MBOAT2: variants seen among roughly 807,000 people sequenced by gnomAD.
MBOAT2 encodes the protein membrane bound glycerophospholipid O-acyltransferase 2.
Under a neutral mutation model 63.4 loss-of-function variants are expected in MBOAT2, and 28 were observed. That is an observed-to-expected ratio of 0.44 (90% confidence interval 0.33 to 0.61). The LOEUF is 0.61. Ranked by LOEUF, MBOAT2 falls within the 20% of genes least tolerant of loss-of-function variation. MBOAT2 has a pLI of 0.03. For missense variants in MBOAT2, 470 were observed against 605.8 expected (o/e 0.78, Z 2.35); for synonymous variants, 211 against 215.6 (o/e 0.98, Z 0.19).
At chr2:8,892,131 T>C (rs913379968) in intron 4 of MBOAT2, among the ~76,000 whole-genome samples, 3 of 152,216 alleles carry the variant, frequency 2.0e-5, no homozygotes, top group Non-Finnish European at 1.5e-5. Flanking sequence ...AGATAATGAA[T>C]GCTAAAAATG....
rs1661358276 is a variant in MBOAT2 at position 8,859,722 on chromosome 2, A to G, written c.1338-818T>C. ...TAAAAGAATAAAGTTTTTGATCTCTAAAATATCACCATCTAATATGGGGAA... is the reference window on the plus strand; with the variant it reads ...TAAAAGAATAAAGTTTTTGATCTCTGAAATATCACCATCTAATATGGGGAA... On this transcript the variant is annotated intron_variant, in intron 12 of 12. Transcript: ENST00000305997. Among the ~76,000 whole-genome samples, 4 of 152,220 alleles carry G rather than the reference A, an allele frequency of 2.6e-5. No individual in the cohort carries two copies. In the South Asian group the frequency reaches 8.3e-4, roughly 31 times the overall value.
intron 1 of MBOAT2, among the ~76,000 whole-genome samples, chr2:8,986,648 A>G (rs1462641417): frequency 6.6e-6 from 1 of 152,108 alleles, no homozygotes; most frequent in African/African-American, 2.4e-5. Context: ...GTTTCCCCCC[A>G]AAATTCATAT....
At chr2:8,938,682 GCCA>G (rs1300646305) in intron 3 of MBOAT2, among the ~76,000 whole-genome samples, 1 of 146,610 alleles carries the variant, frequency 6.8e-6, no homozygotes, top group Non-Finnish European at 1.5e-5. Context: ...CGTGTCTCAT[GCCA>G]CCATGTTTCA....
intron 3 of MBOAT2, among the ~76,000 whole-genome samples, chr2:8,931,698 C>T (rs186996946): frequency 4.0e-4 from 61 of 152,190 alleles, no homozygotes; most frequent in African/African-American, 1.4e-3. Context: ...AGATTTTCTT[C>T]TAGGGTTTCT....
In MBOAT2 at chr2:8,860,660, A is replaced by T; in HGVS notation, c.1290T>A (p.Val430=). ...IVTQVAISYT[V]VPFVLLSIKP... ...TTATAGAAAGAAGCACAAATGGCACAACTGTGTAACTTATTGCTACTTGAG... is the reference window on the plus strand; with the variant it reads ...TTATAGAAAGAAGCACAAATGGCACTACTGTGTAACTTATTGCTACTTGAG... The change falls in exon 12 of 13, where the codon GTT becomes GTA. Residue 430 remains valine (V), a synonymous_variant. Coordinates refer to ENST00000305997, the MANE Select transcript of MBOAT2 (RefSeq NM_138799.4). 1.2e-6 allele frequency: 2 copies of T among 1,613,580 alleles called. No individual in the cohort carries two copies. Among genetic ancestry groups the T allele is most frequent in the Non-Finnish European group, 1.7e-6 (2 of 1,179,814 alleles).
chr2:8,912,968 C>A (rs1036334975), intron 3 of MBOAT2, among the ~76,000 whole-genome samples: 5 of 152,158 alleles, frequency 3.3e-5, no homozygotes, highest in African/African-American at 9.7e-5. Flanking sequence ...GTCACAAAAA[C>A]AGCATGGTAC....
At chr2:8,969,998 T>C (rs998461375) in intron 1 of MBOAT2, among the ~76,000 whole-genome samples, 7 of 152,190 alleles carry the variant, frequency 4.6e-5, no homozygotes, top group African/African-American at 1.2e-4. Flanking sequence ...GGAATTGAAC[T>C]CAGCTCTGCA....
intron 3 of MBOAT2, among the ~76,000 whole-genome samples, chr2:8,936,946 T>C (rs1418443920): frequency 6.6e-6 from 1 of 152,246 alleles, no homozygotes; most frequent in Non-Finnish European, 1.5e-5. Context: ...CACATTGTGC[T>C]GCCTTCGCCA....
At chr2:8,903,182 C>A (rs1327127487) in intron 4 of MBOAT2, among the ~76,000 whole-genome samples, 4 of 152,182 alleles carry the variant, frequency 2.6e-5, no homozygotes, top group African/African-American at 9.7e-5. Context: ...CATTTACAAT[C>A]CTTTAGCTTG....
intron 4 of MBOAT2, among the ~76,000 whole-genome samples, chr2:8,906,187 G>A (rs1326220620): frequency 6.6e-6 from 1 of 152,194 alleles, no homozygotes; most frequent in East Asian, 1.9e-4. Flanking sequence ...GAGCCCAGGT[G>A]ATCCACCTGC....
rs1304629776 is a variant in MBOAT2, at chr2:8,853,918, T to C, written c.*4761A>G. On this transcript the variant is annotated 3_prime_UTR_variant, in exon 13 of 13. Coordinates refer to ENST00000305997, the MANE Select transcript of MBOAT2 (RefSeq NM_138799.4). ...TGTCAGTTCTTTATTGGGATTTGCA[T>C]AATGTTAAAAAACCTATTAAAATAA... The C allele has an allele frequency of 6.6e-6, 1 of 152,170 alleles. No individual in the cohort carries two copies. The highest frequency in any genetic ancestry group is 1.5e-5 in the Non-Finnish European group (1 of 68,036). The allele number at this position is 152,170 out of a possible 1,614,324, so 9.4% of individuals were successfully genotyped here.
intron 1 of MBOAT2, among the ~76,000 whole-genome samples, chr2:8,978,007 T>C (rs911078470): frequency 2.6e-5 from 4 of 152,036 alleles, no homozygotes; most frequent in African/African-American, 9.7e-5. Flanking sequence ...AAGGTCCCCA[T>C]TTCCTCTCCT....
chr2:8,856,046 C>A lies in MBOAT2; in HGVS notation c.*2633G>T, dbSNP rs1661057168. ...TCTTTGTGATTATTACTTCTCCAAA[C>A]TAGAGGAGAGATATCCAAAAACCAT... On this transcript the variant is annotated 3_prime_UTR_variant, in exon 13 of 13. Transcript: ENST00000305997. This position sits in a 1 kb window ranked among gnomAD's most constrained non-coding sequence, Gnocchi z 4.2. 6.6e-6 allele frequency: 1 copy of A among 152,068 alleles called. No homozygotes were observed. Among genetic ancestry groups the A allele is most frequent in the Admixed American group, 6.5e-5 (1 of 15,268 alleles). The allele number at this position is 152,068 out of a possible 1,614,324, so 9.4% of individuals were successfully genotyped here.
intron 4 of MBOAT2, among the ~76,000 whole-genome samples, chr2:8,901,462 T>A (rs1018921857): frequency 4.0e-5 from 6 of 151,812 alleles, no homozygotes; most frequent in African/African-American, 1.5e-4. Flanking sequence ...CCTGTTAGAG[T>A]CCTAAGCATT....
chr2:8,979,357 A>G (rs1671045658), intron 1 of MBOAT2, among the ~76,000 whole-genome samples: 1 of 152,110 alleles, frequency 6.6e-6, no homozygotes, highest in African/African-American at 2.4e-5. Context: ...TCTTTTTTAG[A>G]GTTTTAAAGT....
chr2:8,886,881 T>C (rs1663595404), intron 5 of MBOAT2, among the ~76,000 whole-genome samples: 1 of 152,228 alleles, frequency 6.6e-6, no homozygotes. Flanking sequence ...GGCTTTTACC[T>C]ACAGTGTTTC....
chr2:8,946,772 A>C (rs1308258634), intron 2 of MBOAT2, among the ~76,000 whole-genome samples: 3 of 152,196 alleles, frequency 2.0e-5, no homozygotes, highest in African/African-American at 7.2e-5. Flanking sequence ...GATAAATGTT[A>C]GGTGTGTTCT....
chr2:8,874,311 T>C (rs1185138224), intron 7 of MBOAT2, among the ~76,000 whole-genome samples: 1 of 152,230 alleles, frequency 6.6e-6, no homozygotes, highest in African/African-American at 2.4e-5. Flanking sequence ...TCATTTTCCA[T>C]TGTCTTTTAT....
Position 8,928,406 on chromosome 2 carries a change from G to A in MBOAT2, c.299+14781C>T, listed in dbSNP as rs183851909. ...CCCCTGGCACAGAGGCTGGTAGGAC[G>A]TCTGCCATCCAGATGACTGGGGAAG... On this transcript the variant is annotated intron_variant, in intron 3 of 12. Coordinates refer to ENST00000305997, the MANE Select transcript of MBOAT2 (RefSeq NM_138799.4). Among the ~76,000 whole-genome samples, 5 of 152,250 alleles carry A rather than the reference G, an allele frequency of 3.3e-5. No individual in the cohort carries two copies. In the East Asian group the frequency reaches 5.8e-4, roughly 18 times the overall value.
Sources: allele counts gnomAD v4.1 joint callset (sites outside exome capture counted in the v4.1 genomes callset), GRCh38; gene constraint gnomAD v4.1.1; non-coding constraint Gnocchi (gnomAD v3.1); transcripts MANE v1.5; gene names NCBI Gene and HGNC (gene_info 2026-07-23, HGNC 2026-07-21).